HNF4G: variants seen among roughly 807,000 people sequenced by gnomAD.
HNF4G encodes hepatocyte nuclear factor 4 gamma, also known as hepatocyte nuclear factor 4-gamma.
HNF4G carries 21 observed loss-of-function variants against 50.9 expected under a neutral mutation model. That is an observed-to-expected ratio of 0.41 (90% CI 0.29 to 0.59). The LOEUF (loss-of-function observed/expected upper bound fraction) is 0.59. HNF4G is among the 20% of genes least tolerant of loss of function. HNF4G has a pLI of 0.26. For missense variants in HNF4G, 527 were observed against 559.4 expected, an observed-to-expected ratio of 0.94 and a Z score of 0.58; for synonymous variants, 198 against 185.6, an observed-to-expected ratio of 1.07 and a Z score of -0.54.
chr8:75,502,053 C>G (rs1812942207), intron 2 of HNF4G, among the ~76,000 whole-genome samples: 1 of 151,990 alleles, frequency 6.6e-6, no homozygotes. Flanking sequence ...AGGTTTCACC[C>G]TGTTAGCCAG....
At chr8:75,437,284 G>A (rs879364976) in intron 1 of HNF4G, among the ~76,000 whole-genome samples, 6 of 152,184 alleles carry the variant, frequency 3.9e-5, no homozygotes, top group Admixed American at 2.0e-4. Flanking sequence ...TTAGAGAAAA[G>A]TAAGTTTAAA....
intron 1 of HNF4G, among the ~76,000 whole-genome samples, chr8:75,413,579 A>T (rs2130466850): frequency 6.6e-6 from 1 of 152,268 alleles, no homozygotes; most frequent in Non-Finnish European, 1.5e-5. Flanking sequence ...CTATAAAAAA[A>T]AATTATTGGC....
At chr8:75,554,193 G>C (rs1278940275) in intron 5 of HNF4G, among the ~76,000 whole-genome samples, 1 of 152,112 alleles carries the variant, frequency 6.6e-6, no homozygotes, top group African/African-American at 2.4e-5. Flanking sequence ...GCATGGCTCA[G>C]AAGGTTATGC....
At chr8:75,533,511 A>C (rs2130770577) in intron 2 of HNF4G, among the ~76,000 whole-genome samples, 1 of 152,092 alleles carries the variant, frequency 6.6e-6, no homozygotes, top group South Asian at 2.1e-4. Context: ...GAGTGATAAT[A>C]GATTGTGTTA....
intron 1 of HNF4G, among the ~76,000 whole-genome samples, chr8:75,427,088 G>A (rs1028071741): frequency 6.6e-6 from 1 of 152,040 alleles, no homozygotes; most frequent in Non-Finnish European, 1.5e-5. Context: ...GTGATAATAA[G>A]TAATCTTTTT....
chr8:75,458,522 A>C (rs1230952175), intron 1 of HNF4G, among the ~76,000 whole-genome samples: 1 of 152,138 alleles, frequency 6.6e-6, no homozygotes, highest in Non-Finnish European at 1.5e-5. Context: ...CTCAGACAAC[A>C]ACAATAACAA....
At chr8:75,551,952 G>C (rs542560538) in intron 4 of HNF4G, among the ~76,000 whole-genome samples, 27 of 152,144 alleles carry the variant, frequency 1.8e-4, no homozygotes, top group African/African-American at 6.3e-4. Context: ...TCAGAATTCA[G>C]AAAACACAGA....
intron 1 of HNF4G, among the ~76,000 whole-genome samples, chr8:75,477,801 C>G (rs1204700745): frequency 2.0e-5 from 3 of 151,944 alleles, no homozygotes; most frequent in Non-Finnish European, 4.4e-5. Context: ...AACCCCGTCT[C>G]TACTAAAAAT....
chr8:75,458,244 A>G (rs1811766967), intron 1 of HNF4G, among the ~76,000 whole-genome samples: 1 of 152,146 alleles, frequency 6.6e-6, no homozygotes, highest in Non-Finnish European at 1.5e-5. Flanking sequence ...GAAATAGATA[A>G]GAGAGGGTTA....
At chr8:75,486,917 A>C (rs908388116) in intron 1 of HNF4G, among the ~76,000 whole-genome samples, 6 of 152,282 alleles carry the variant, frequency 3.9e-5, no homozygotes, top group Admixed American at 6.5e-5. Flanking sequence ...CAGGAGGATC[A>C]CTTGAGCCTG....
intron 1 of HNF4G, among the ~76,000 whole-genome samples, chr8:75,455,237 A>C (rs1226004156): frequency 6.6e-6 from 1 of 152,182 alleles, no homozygotes; most frequent in Non-Finnish European, 1.5e-5. Context: ...TGTAAAAACA[A>C]AATGTAGTTC....
At chr8:75,466,031 T>C (rs1261953030) in intron 1 of HNF4G, among the ~76,000 whole-genome samples, 5 of 152,180 alleles carry the variant, frequency 3.3e-5, no homozygotes, top group Non-Finnish European at 7.4e-5. Flanking sequence ...GGCCAGTATT[T>C]ATTTATTAGC....
intron 1 of HNF4G, among the ~76,000 whole-genome samples, chr8:75,408,759 C>G (rs1471643372): frequency 6.6e-6 from 1 of 152,216 alleles, no homozygotes; most frequent in African/African-American, 2.4e-5. Context: ...AGTCAAAGCA[C>G]TGTACAACAA....
intron 2 of HNF4G, among the ~76,000 whole-genome samples, 163 bp from the exon 3 acceptor site, chr8:75,547,424 G>T (rs1365844561): frequency 6.6e-6 from 1 of 152,212 alleles, no homozygotes; most frequent in Non-Finnish European, 1.5e-5. Context: ...GCGTTTTCAC[G>T]CACATGCTGA....
At chr8:75,428,619 T>A (rs1330411378) in intron 1 of HNF4G, among the ~76,000 whole-genome samples, 1 of 152,064 alleles carries the variant, frequency 6.6e-6, no homozygotes, top group East Asian at 1.9e-4. Context: ...GAAAATTAAC[T>A]TAGAAAACAA....
chr8:75,458,035 A>G (rs1027325399), intron 1 of HNF4G, among the ~76,000 whole-genome samples: 1 of 152,056 alleles, frequency 6.6e-6, no homozygotes, highest in Admixed American at 6.6e-5. Flanking sequence ...GTCTCAAACT[A>G]CTGGGTCCAA....
intron 1 of HNF4G, among the ~76,000 whole-genome samples, chr8:75,414,942 T>G (rs1810597447): frequency 6.6e-6 from 1 of 152,320 alleles, no homozygotes; most frequent in Non-Finnish European, 1.5e-5. Context: ...GGCAAAGAAT[T>G]ACCAATCTGG....
intron 2 of HNF4G, among the ~76,000 whole-genome samples, chr8:75,521,026 G>A (rs1806025301): frequency 6.6e-6 from 1 of 151,988 alleles, no homozygotes; most frequent in Admixed American, 6.6e-5. Context: ...CAAGTTTTCT[G>A]CATTTGCATT....
chr8:75,449,080 A>C (rs1811509904), intron 1 of HNF4G, among the ~76,000 whole-genome samples: 1 of 152,194 alleles, frequency 6.6e-6, no homozygotes, highest in South Asian at 2.1e-4. Context: ...TGTTTAAATA[A>C]AATAGAAGTT....
Sources: gnomAD v4.1 joint callset for allele counts (sites outside exome capture counted in the v4.1 genomes callset) on GRCh38, gnomAD v4.1.1 for gene constraint, MANE v1.5 for transcripts, NCBI Gene and HGNC (gene_info 2026-07-23, HGNC 2026-07-21) for gene names.